Variants in RPH3A observed in about 807,000 individuals in gnomAD.
RPH3A encodes the protein rabphilin-3A.
Under a neutral mutation model 102.2 loss-of-function variants are expected in RPH3A, and 48 were observed. That is an observed-to-expected ratio of 0.47 (90% CI 0.37 to 0.60). The LOEUF is 0.60. Among genes scored for constraint, RPH3A ranks in the 20% least tolerant of loss-of-function variants. The pLI is 0.00. For missense variants in RPH3A, 781 were observed against 910.1 expected, an observed-to-expected ratio of 0.86 and a Z score of 1.83; for synonymous variants, 310 against 324.3, an observed-to-expected ratio of 0.96 and a Z score of 0.47.
At chr12:112,747,074 C>A (rs1033951501) in intron 1 of RPH3A, among the ~76,000 whole-genome samples, 1 of 152,170 alleles carries the variant, frequency 6.6e-6, no homozygotes, top group African/African-American at 2.4e-5. Flanking sequence ...CTAAACTCCA[C>A]AAGAGCAAGG....
intron 4 of RPH3A, among the ~76,000 whole-genome samples, chr12:112,836,868 G>T (rs1252545366): frequency 1.3e-5 from 2 of 152,200 alleles, no homozygotes; most frequent in African/African-American, 2.4e-5. Flanking sequence ...TCTAATAACT[G>T]CTACCATGAA....
chr12:112,664,401 T>C (rs868115811), intron 1 of RPH3A, among the ~76,000 whole-genome samples: 1 of 152,132 alleles, frequency 6.6e-6, no homozygotes, highest in Non-Finnish European at 1.5e-5. Flanking sequence ...GGTTGGAGAA[T>C]GGGCAGAACT....
chr12:112,632,965 G>C (rs2039817755), intron 1 of RPH3A, among the ~76,000 whole-genome samples: 1 of 152,096 alleles, frequency 6.6e-6, no homozygotes, highest in Non-Finnish European at 1.5e-5. Context: ...GGCCAAGGCA[G>C]GAGGATGACT....
At chr12:112,868,158 T>C (rs2042643093) in intron 7 of RPH3A, 1 of 387,276 alleles carries the variant, frequency 2.6e-6, no homozygotes, top group East Asian at 4.3e-5. Context: ...CTGTGTACTA[T>C]TGGACCAGTC....
chr12:112,636,423 C>T (rs1045875232), intron 1 of RPH3A, among the ~76,000 whole-genome samples: 3 of 152,164 alleles, frequency 2.0e-5, no homozygotes, highest in Non-Finnish European at 2.9e-5. Context: ...TGTTTCTCAA[C>T]TTGAGGCAAA....
intron 1 of RPH3A, among the ~76,000 whole-genome samples, chr12:112,597,003 T>C (rs2039522131): frequency 6.6e-6 from 1 of 152,254 alleles, no homozygotes. Flanking sequence ...TTACATTTCC[T>C]TTTTTCTACT....
At chr12:112,784,256 T>C (rs1201811451) in intron 1 of RPH3A, among the ~76,000 whole-genome samples, 1 of 152,200 alleles carries the variant, frequency 6.6e-6, no homozygotes, top group Non-Finnish European at 1.5e-5. Context: ...TGTTCCTTAC[T>C]CTTCTTTTCA....
chr12:112,778,033 G>A (rs997281626), intron 1 of RPH3A, among the ~76,000 whole-genome samples: 1 of 152,222 alleles, frequency 6.6e-6, no homozygotes, highest in African/African-American at 2.4e-5. Flanking sequence ...CACATTTGGG[G>A]AGAAGAGCGT....
At chr12:112,830,602 T>A (rs2041954319) in intron 3 of RPH3A, among the ~76,000 whole-genome samples, 1 of 152,128 alleles carries the variant, frequency 6.6e-6, no homozygotes, top group South Asian at 2.1e-4. Context: ...TATGTTGAAA[T>A]CTCCTTCAAT....
At chr12:112,707,321 A>T (rs1252733419) in intron 1 of RPH3A, among the ~76,000 whole-genome samples, 3 of 152,118 alleles carry the variant, frequency 2.0e-5, no homozygotes, top group Non-Finnish European at 4.4e-5. Context: ...ATCACCATCC[A>T]CATCATTACC....
intron 1 of RPH3A, among the ~76,000 whole-genome samples, chr12:112,648,599 G>T (rs1348455776): frequency 7.2e-5 from 1 of 13,878 alleles, no homozygotes; most frequent in Non-Finnish European, 1.3e-4. Context: ...AAAAAAAAAA[G>T]CTAGGTGTTG....
At chr12:112,704,827 T>C (rs1410975721) in intron 1 of RPH3A, among the ~76,000 whole-genome samples, 1 of 152,168 alleles carries the variant, frequency 6.6e-6, no homozygotes, top group East Asian at 1.9e-4. Flanking sequence ...AGCTTGGGCA[T>C]AGTGGAGATT....
chr12:112,693,396 T>C (rs144073490), intron 1 of RPH3A, among the ~76,000 whole-genome samples: 20 of 152,354 alleles, frequency 1.3e-4, no homozygotes, highest in Non-Finnish European at 2.2e-4. Flanking sequence ...ATCTTCTCCA[T>C]TTTTGGAGTG....
chr12:112,784,062 G>T (rs905070216), intron 1 of RPH3A, among the ~76,000 whole-genome samples: 2 of 152,006 alleles, frequency 1.3e-5, no homozygotes, highest in Non-Finnish European at 2.9e-5. Flanking sequence ...ACACTGCCTG[G>T]GGTCACTCCT....
At chr12:112,840,264 T>A (rs1018506114) in intron 4 of RPH3A, among the ~76,000 whole-genome samples, 2 of 152,212 alleles carry the variant, frequency 1.3e-5, no homozygotes, top group African/African-American at 4.8e-5. Flanking sequence ...CAATGTGGAA[T>A]AATCAAATCA....
At chr12:112,781,358 G>A (rs1433971923) in intron 1 of RPH3A, among the ~76,000 whole-genome samples, 1 of 152,174 alleles carries the variant, frequency 6.6e-6, no homozygotes, top group Admixed American at 6.5e-5. Flanking sequence ...AGGTTCTTGG[G>A]TTTGTCGTCT....
intron 1 of RPH3A, among the ~76,000 whole-genome samples, chr12:112,745,027 T>C (rs553059433): frequency 6.6e-6 from 1 of 152,366 alleles, no homozygotes; most frequent in South Asian, 2.1e-4. Context: ...CTGTCCAAGA[T>C]CTAATCCAGG....
chr12:112,709,067 ACT>A (rs1235452693), intron 1 of RPH3A, among the ~76,000 whole-genome samples: 1 of 152,016 alleles, frequency 6.6e-6, no homozygotes, highest in East Asian at 1.9e-4. Flanking sequence ...TAAAACTCTT[ACT>A]CTCTTAAAAT....
chr12:112,694,294 C>T (rs926368191), intron 1 of RPH3A, among the ~76,000 whole-genome samples: 10 of 152,130 alleles, frequency 6.6e-5, no homozygotes, highest in Admixed American at 5.2e-4. Flanking sequence ...TCTCACGTGG[C>T]CCAGCTGCTC....
Sources: allele counts gnomAD v4.1 joint callset (sites outside exome capture counted in the v4.1 genomes callset), GRCh38; gene constraint gnomAD v4.1.1; transcripts MANE v1.5; gene names NCBI Gene and HGNC (gene_info 2026-07-23, HGNC 2026-07-21).